Variants in SLC38A12 observed in about 807,000 individuals in gnomAD.
SLC38A12 encodes the protein putative sodium-coupled neutral amino acid transporter 12.
chr17:74,834,798 A>C, the SLC38A12 span, among the ~76,000 whole-genome samples: 1 of 152,242 alleles, frequency 6.6e-6, no homozygotes, highest in Non-Finnish European at 1.5e-5. Flanking sequence ...AGGCTGTCAG[A>C]TATGTTCTGA....
chr17:74,796,101 C>G, the SLC38A12 span, among the ~76,000 whole-genome samples: 1 of 152,194 alleles, frequency 6.6e-6, no homozygotes, highest in Non-Finnish European at 1.5e-5. Flanking sequence ...TATCTTCCCT[C>G]CTCTCATCCT....
the SLC38A12 span, among the ~76,000 whole-genome samples, chr17:74,789,912 A>G: frequency 2.8e-5 from 4 of 145,430 alleles, no homozygotes; most frequent in Admixed American, 1.4e-4. Flanking sequence ...GTAGAGTTCC[A>G]TGCTCTTTTT....
At chr17:74,822,442 G>A in the SLC38A12 span, among the ~76,000 whole-genome samples, 1 of 152,258 alleles carries the variant, frequency 6.6e-6, no homozygotes, top group African/African-American at 2.4e-5. Flanking sequence ...GCTTTTGGCA[G>A]CATCAGGAGC....
chr17:74,783,736 T>C, the SLC38A12 span, among the ~76,000 whole-genome samples: 1 of 141,800 alleles, frequency 7.1e-6, no homozygotes, highest in Admixed American at 6.9e-5. Context: ...TTTTTTTTTT[T>C]TTTTTTTTTT....
chr17:74,801,745 T>C, the SLC38A12 span, among the ~76,000 whole-genome samples: 1 of 152,178 alleles, frequency 6.6e-6, no homozygotes. Flanking sequence ...GCTTGTCTCT[T>C]TCTTTTTCAA....
the SLC38A12 span, among the ~76,000 whole-genome samples, chr17:74,818,554 T>C: frequency 3.9e-5 from 6 of 152,236 alleles, no homozygotes; most frequent in East Asian, 3.9e-4. Flanking sequence ...AGCTCCTCCT[T>C]CTGCGGGGCT....
chr17:74,807,849 C>T, the SLC38A12 span, among the ~76,000 whole-genome samples: 3 of 152,220 alleles, frequency 2.0e-5, no homozygotes, highest in Admixed American at 1.3e-4. Context: ...CAGCTCCTCA[C>T]GTAACATCCG....
At chr17:74,807,855 A>G in the SLC38A12 span, among the ~76,000 whole-genome samples, 1 of 152,106 alleles carries the variant, frequency 6.6e-6, no homozygotes, top group African/African-American at 2.4e-5. Context: ...CTCACGTAAC[A>G]TCCGTAAAGC....
At chr17:74,789,006 A>C in the SLC38A12 span, 1 of 700,724 alleles carries the variant, frequency 1.4e-6, no homozygotes. Context: ...CCCCAGTCCC[A>C]GAGCTGAAGC....
the SLC38A12 span, among the ~76,000 whole-genome samples, chr17:74,780,086 C>T: frequency 6.6e-6 from 1 of 152,298 alleles, no homozygotes; most frequent in East Asian, 1.9e-4. Flanking sequence ...TAGGTCACGC[C>T]CGACAGAAGG....
chr17:74,826,891 A>G, the SLC38A12 span, among the ~76,000 whole-genome samples: 1 of 152,108 alleles, frequency 6.6e-6, no homozygotes, highest in Non-Finnish European at 1.5e-5. Context: ...GGGGCGTAAG[A>G]GGAGGAACTG....
At chr17:74,836,352 C>T in the SLC38A12 span, 6 of 1,612,674 alleles carry the variant, frequency 3.7e-6, no homozygotes, top group African/African-American at 2.7e-5. This position sits in a 1 kb window ranked among gnomAD's most constrained non-coding sequence, Gnocchi z 4.2. Flanking sequence ...ACTCTTCCAC[C>T]GCGAGGGCGG....
the SLC38A12 span, among the ~76,000 whole-genome samples, chr17:74,778,133 G>C: frequency 2.6e-5 from 4 of 152,184 alleles, no homozygotes; most frequent in African/African-American, 2.4e-5. Context: ...TTACAGTTTG[G>C]TGGACTCTGC....
At chr17:74,826,725 A>C in the SLC38A12 span, among the ~76,000 whole-genome samples, 1 of 152,068 alleles carries the variant, frequency 6.6e-6, no homozygotes, top group East Asian at 1.9e-4. Flanking sequence ...GGCAGGTGCC[A>C]CCCCAGGAAG....
the SLC38A12 span, among the ~76,000 whole-genome samples, chr17:74,786,077 T>G: frequency 6.6e-6 from 1 of 152,096 alleles, no homozygotes; most frequent in African/African-American, 2.4e-5. Context: ...CACGCCTGGG[T>G]GCACGATCAA....
the SLC38A12 span, chr17:74,790,058 A>G: frequency 6.3e-6 from 4 of 636,696 alleles, no homozygotes; most frequent in South Asian, 5.1e-5. Flanking sequence ...GGCTCAGGTG[A>G]TCCTCCCATC....
chr17:74,820,380 G>C, the SLC38A12 span, among the ~76,000 whole-genome samples: 2 of 152,366 alleles, frequency 1.3e-5, no homozygotes, highest in African/African-American at 4.8e-5. Context: ...CTAACCAACG[G>C]ACACTGTGCT....
chr17:74,835,854 G>A, the SLC38A12 span: 20,085 of 1,514,402 alleles, frequency 0.013, 170 homozygotes, highest in Middle Eastern at 0.019. Flanking sequence ...CCGCAAAGGC[G>A]CCCCCCAGAC....
At chr17:74,793,500 T>A in the SLC38A12 span, among the ~76,000 whole-genome samples, 1 of 152,302 alleles carries the variant, frequency 6.6e-6, no homozygotes, top group Admixed American at 6.5e-5. Flanking sequence ...TTTCTTATAA[T>A]CAGAAATGCG....
Sources: gnomAD v4.1 joint callset for allele counts (sites outside exome capture counted in the v4.1 genomes callset) on GRCh38, gnomAD v4.1.1 for gene constraint, Gnocchi (gnomAD v3.1) non-coding constraint, MANE v1.5 for transcripts, NCBI Gene and HGNC (gene_info 2026-07-23, HGNC 2026-07-21) for gene names.